ITPR1: variants seen among roughly 807,000 people sequenced by gnomAD.
The protein encoded by ITPR1 is inositol 1,4,5-trisphosphate receptor type 1.
A neutral mutation model predicts 318.4 loss-of-function variants in ITPR1; 96 were observed. That is an observed-to-expected ratio of 0.30 (90% confidence interval 0.26 to 0.36). The LOEUF is 0.36. Ranked by LOEUF, ITPR1 falls within the 10% of genes least tolerant of loss-of-function variation. The pLI is 1.00. For synonymous variants in ITPR1, 1,312 were observed against 1,289.9 expected (o/e 1.02, Z -0.37); for missense variants, 2,440 against 3,460.2 (o/e 0.71, Z 7.40).
At chr3:4,734,417 C>T (rs1005424712) in intron 43 of ITPR1, among the ~76,000 whole-genome samples, 2 of 152,190 alleles carry the variant, frequency 1.3e-5, no homozygotes, top group African/African-American at 4.8e-5. Flanking sequence ...GGACAAGCAG[C>T]ATAAAGGAGG....
At chr3:4,759,002 C>A (rs9860324) in intron 44 of ITPR1, among the ~76,000 whole-genome samples, 2 of 152,156 alleles carry the variant, frequency 1.3e-5, no homozygotes, top group Non-Finnish European at 2.9e-5. Flanking sequence ...AATAATACCC[C>A]TTTCCAGGGA....
At chr3:4,608,945 T>C (rs2091886402) in intron 4 of ITPR1, among the ~76,000 whole-genome samples, 1 of 138,932 alleles carries the variant, frequency 7.2e-6, no homozygotes, top group African/African-American at 2.7e-5. Context: ...GAGGTTGCAG[T>C]GAGCCGAGAT....
rs186407606 is a variant in ITPR1 at position 4,779,014 on chromosome 3, G to A, written c.6292-536G>A. ...TGGCCTGCATACATTGTTCCTTTGG[G>A]TCACATTTGTTAACTAGTGTCAGAT... On this transcript the variant is annotated intron_variant, in intron 48 of 61. Transcript: ENST00000649015. The surrounding 1 kb of genome is among the most constrained non-coding windows in gnomAD (Gnocchi z 4.0). Among the ~76,000 whole-genome samples, 200 of 152,326 alleles carry A rather than the reference G, an allele frequency of 1.3e-3. No individual in the cohort carries two copies. Among genetic ancestry groups the A allele is most frequent in the East Asian group, 1.9e-3 (10 of 5,186 alleles).
chr3:4,699,291 A>C (rs2094605677), intron 34 of ITPR1, among the ~76,000 whole-genome samples: 1 of 152,098 alleles, frequency 6.6e-6, no homozygotes, highest in Non-Finnish European at 1.5e-5. Context: ...TGGAAAATGA[A>C]GGCCACAGTG....
At chr3:4,740,194 C>G (rs2043599388) in intron 44 of ITPR1, among the ~76,000 whole-genome samples, 1 of 152,156 alleles carries the variant, frequency 6.6e-6, no homozygotes, top group South Asian at 2.1e-4. Flanking sequence ...ACCACCACCC[C>G]CATTATAATC....
At chr3:4,525,856 G>C (rs539878464) in intron 4 of ITPR1, among the ~76,000 whole-genome samples, 1 of 152,030 alleles carries the variant, frequency 6.6e-6, no homozygotes, top group African/African-American at 2.4e-5. Flanking sequence ...CCCTCCCCCA[G>C]CTCCCCCGGT....
At position 4,782,758 on chromosome 3, in the gene ITPR1, G is replaced by A; in HGVS notation, c.6510+17G>A. 1 of 1,457,228 alleles carries A rather than the reference G, an allele frequency of 6.9e-7. No homozygotes were observed. Among genetic ancestry groups the A allele is most frequent in the Non-Finnish European group, 9.1e-7 (1 of 1,098,124 alleles). 90.3% of individuals were successfully genotyped at this position (1,457,228 alleles called of 1,614,324 possible). ...GCCCATCAGGTATGATCTCTCCTGT[G>A]CCTCCTCTGGATGCTGCCTCCCTAC... On this transcript the variant is annotated intron_variant, in intron 50 of 61. Coordinates refer to ENST00000649015, the MANE Select transcript of ITPR1 (RefSeq NM_001378452.1).
chr3:4,683,308 A>T, intron 26 of ITPR1, 78 bp from the exon 27 acceptor site: 6 of 1,400,554 alleles, frequency 4.3e-6, no homozygotes, highest in Non-Finnish European at 5.1e-6. Context: ...CAACTAGGTT[A>T]GGTGCATCTG....
At chr3:4,823,375 A>G (rs1364985661) in intron 60 of ITPR1, among the ~76,000 whole-genome samples, 1 of 152,236 alleles carries the variant, frequency 6.6e-6, no homozygotes, top group Non-Finnish European at 1.5e-5. Context: ...TAACTTAAGT[A>G]CACAACAGTA....
At chr3:4,690,171 A>T (rs1432431764) in intron 31 of ITPR1, among the ~76,000 whole-genome samples, 1 of 152,332 alleles carries the variant, frequency 6.6e-6, no homozygotes, top group East Asian at 1.9e-4. Context: ...AGCTACTTGG[A>T]GGCTGAGGCA....
chr3:4,613,858 T>C (rs2092272332), intron 4 of ITPR1, among the ~76,000 whole-genome samples: 1 of 152,204 alleles, frequency 6.6e-6, no homozygotes, highest in Non-Finnish European at 1.5e-5. Context: ...AATGTATAGC[T>C]GGATGGAATT....
intron 25 of ITPR1, 74 bp downstream of exon 25, chr3:4,680,765 A>G: frequency 2.3e-6 from 3 of 1,320,432 alleles, no homozygotes; most frequent in South Asian, 1.4e-5. Flanking sequence ...AGCAAACAGT[A>G]TCTTCTAGAA....
chr3:4,825,527 T>A (rs1291108344), intron 60 of ITPR1, among the ~76,000 whole-genome samples: 1 of 152,222 alleles, frequency 6.6e-6, no homozygotes, highest in Non-Finnish European at 1.5e-5. Flanking sequence ...ATAAGTTCTA[T>A]TAGCTAATTC....
At chr3:4,657,496 C>A (rs1275654987) in intron 12 of ITPR1, among the ~76,000 whole-genome samples, 1 of 143,696 alleles carries the variant, frequency 7.0e-6, no homozygotes, top group Non-Finnish European at 1.5e-5. Context: ...GAGACAGAGT[C>A]TCACTCTGTC....
chr3:4,777,124 A>ACGGAAAATT (rs1308772401), intron 47 of ITPR1, 140 bp from the exon 48 acceptor site: 2 of 521,746 alleles, frequency 3.8e-6, no homozygotes, highest in Non-Finnish European at 6.9e-6. Context: ...CCACTTTCTC[A>ACGGAAAATT]CGGAAAATTT....
chr3:4,843,140 A>G (rs2051488574), intron 61 of ITPR1, among the ~76,000 whole-genome samples: 2 of 146,650 alleles, frequency 1.4e-5, no homozygotes. Context: ...AAGGCCAAAC[A>G]CTTTAGCAGT....
chr3:4,816,813 C>T (rs145322908), intron 59 of ITPR1, among the ~76,000 whole-genome samples: 1,600 of 152,330 alleles, frequency 0.011, 30 homozygotes, highest in African/African-American at 0.034. Context: ...TTTCACCCCT[C>T]AGCTTTAGCA....
At chr3:4,558,142 A>G (rs1266594760) in intron 4 of ITPR1, among the ~76,000 whole-genome samples, 3 of 152,174 alleles carry the variant, frequency 2.0e-5, no homozygotes, top group African/African-American at 7.2e-5. Context: ...TTCTTCCATC[A>G]TTTGACAGGT....
chr3:4,603,329 G>T (rs1220298467), intron 4 of ITPR1, among the ~76,000 whole-genome samples: 11 of 152,098 alleles, frequency 7.2e-5, no homozygotes, highest in Non-Finnish European at 2.9e-5. Flanking sequence ...GGGTATGAAT[G>T]ATCACCCAGG....
Sources: allele counts gnomAD v4.1 joint callset (sites outside exome capture counted in the v4.1 genomes callset), GRCh38; gene constraint gnomAD v4.1.1; non-coding constraint Gnocchi (gnomAD v3.1); transcripts MANE v1.5; gene names NCBI Gene and HGNC (gene_info 2026-07-23, HGNC 2026-07-21).